Variants in ITFG1 observed in about 807,000 individuals in gnomAD.
ITFG1 encodes the protein integrin alpha FG-GAP repeat containing 1.
ITFG1 carries 34 observed loss-of-function variants against 81.8 expected under a neutral mutation model. The observed-to-expected ratio is 0.42, with a 90% confidence interval of 0.32 to 0.55. The LOEUF (loss-of-function observed/expected upper bound fraction) is 0.55, where lower values mean the gene tolerates loss of function less well. Ranked by LOEUF, ITFG1 falls within the 20% of genes least tolerant of loss-of-function variation. The probability of loss-of-function intolerance (pLI) is 0.17; values close to 1 mark genes in which losing one functional copy is unlikely to be tolerated. For synonymous variants in ITFG1, 285 were observed against 270.6 expected (o/e 1.05, Z -0.52); for missense variants, 672 against 755.4 (o/e 0.89, Z 1.29).
intron 12 of ITFG1, among the ~76,000 whole-genome samples, chr16:47,244,997 C>T (rs990241419): frequency 2.6e-5 from 4 of 152,070 alleles, no homozygotes; most frequent in East Asian, 1.9e-4. Context: ...ACTCAGCCTG[C>T]GGTATTTTGT....
chr16:47,329,009 A>T (rs1223361577), intron 8 of ITFG1, among the ~76,000 whole-genome samples: 1 of 152,138 alleles, frequency 6.6e-6, no homozygotes, highest in Non-Finnish European at 1.5e-5. Context: ...AAAAGAACAG[A>T]AACGTATTTA....
At chr16:47,451,357 T>C in intron 5 of ITFG1, 39 bp downstream of exon 5, 1 of 1,077,458 alleles carries the variant, frequency 9.3e-7, no homozygotes, top group South Asian at 1.4e-5. Context: ...AGAAGCAATA[T>C]ATACGATTAA....
intron 6 of ITFG1, among the ~76,000 whole-genome samples, chr16:47,383,859 G>A (rs1968426165): frequency 6.6e-6 from 1 of 152,320 alleles, no homozygotes; most frequent in African/African-American, 2.4e-5. Context: ...AGCCAAGATC[G>A]TGCCATTGCA....
intron 13 of ITFG1, among the ~76,000 whole-genome samples, chr16:47,234,204 A>T (rs975835144): frequency 3.3e-5 from 5 of 152,250 alleles, no homozygotes; most frequent in Non-Finnish European, 7.3e-5. Context: ...GAATGATCAG[A>T]CCAGGAATTT....
chr16:47,163,646 CTTTT>C (rs1964842949), intron 14 of ITFG1, among the ~76,000 whole-genome samples: 2 of 152,078 alleles, frequency 1.3e-5, no homozygotes, highest in African/African-American at 2.4e-5. Context: ...GTTTTCCTTT[CTTTT>C]GATTATGTAG....
In ITFG1 at chr16:47,230,893, C is replaced by T. The variant is rs112560306; in HGVS notation, c.1374+7072G>A. ...CCTCCCGAGTAGCTGGGACTACAGG[C>T]GCCCGACACCATGTCCGGCTAATTT... On this transcript the variant is annotated intron_variant, in intron 13 of 17. Coordinates refer to ENST00000320640, the MANE Select transcript of ITFG1 (RefSeq NM_030790.5). Among the ~76,000 whole-genome samples, 1,080 of 152,286 alleles carry T rather than the reference C, an allele frequency of 7.1e-3. 12 individuals are homozygous for T. The highest frequency in any genetic ancestry group is 0.034 in the Middle Eastern group (10 of 294).
At chr16:47,244,640 TGTGTGTGTGTA>T (rs1965977454) in intron 12 of ITFG1, among the ~76,000 whole-genome samples, 1 of 135,134 alleles carries the variant, frequency 7.4e-6, no homozygotes, top group African/African-American at 3.1e-5. Flanking sequence ...TGTGTGTGTG[TGTGTGTGTGTA>T]TTTACCCCTC....
chr16:47,331,803 G>A (rs532775153), intron 8 of ITFG1, among the ~76,000 whole-genome samples: 1 of 152,246 alleles, frequency 6.6e-6, no homozygotes, highest in South Asian at 2.1e-4. Context: ...TTTAGGTGTT[G>A]TTAGTAATTT....
At chr16:47,197,263 A>G (rs1210937723) in intron 14 of ITFG1, among the ~76,000 whole-genome samples, 1 of 152,180 alleles carries the variant, frequency 6.6e-6, no homozygotes, top group Non-Finnish European at 1.5e-5. Context: ...GTTACCTTCT[A>G]GTTTCGGAAA....
intron 7 of ITFG1, among the ~76,000 whole-genome samples, chr16:47,374,240 A>G (rs1968295531): frequency 6.6e-6 from 1 of 152,220 alleles, no homozygotes; most frequent in Admixed American, 6.5e-5. Context: ...GTTTAAAAAT[A>G]CTTTTTTCTT....
rs116582464 is a variant in ITFG1 at position 47,401,967 on chromosome 16, G to A, written c.656-26027C>T. ...TATTCTTTCACAGAGCCCCTTATGT[G>A]TTTTTTCACAACTCAGAATACTCTT... On this transcript the variant is annotated intron_variant, in intron 6 of 17. Coordinates refer to ENST00000320640, the MANE Select transcript of ITFG1 (RefSeq NM_030790.5). Among the ~76,000 whole-genome samples, 1,177 of 151,968 alleles carry A rather than the reference G, an allele frequency of 7.7e-3. 13 individuals are homozygous for A. Among genetic ancestry groups the A allele is most frequent in the African/African-American group, 0.027 (1,136 of 41,440 alleles).
At position 47,291,734 on chromosome 16, in the gene ITFG1, GCTGT is replaced by G. The variant is rs146313942; in HGVS notation, c.1070+19502_1070+19505del. On this transcript the variant is annotated intron_variant, in intron 10 of 17. Coordinates refer to ENST00000320640, the MANE Select transcript of ITFG1 (RefSeq NM_030790.5). ...AAGTCTGATGAAGTCTGCTACTGCAGCTGTCTATTTTATTTTTTATTTCATTCAT... is the reference window on the plus strand; with the variant it reads ...AAGTCTGATGAAGTCTGCTACTGCAGCTATTTTATTTTTTATTTCATTCAT... Among the ~76,000 whole-genome samples, 500 of 152,260 alleles carry G rather than the reference GCTGT, an allele frequency of 3.3e-3. 2 individuals are homozygous for G. Among genetic ancestry groups the G allele is most frequent in the African/African-American group, 0.011 (471 of 41,562 alleles).
intron 13 of ITFG1, among the ~76,000 whole-genome samples, chr16:47,235,606 A>G (rs1282403532): frequency 6.6e-6 from 1 of 152,184 alleles, no homozygotes; most frequent in African/African-American, 2.4e-5. Flanking sequence ...TCCTCTTTCT[A>G]TACACCTGAT....
chr16:47,444,024 A>G lies in ITFG1; in HGVS notation c.560+7372T>C, dbSNP rs1394485799. 3.3e-5 allele frequency among the ~76,000 whole-genome samples: 5 copies of G among 152,218 alleles called. No individual in the cohort carries two copies. The East Asian group carries it at 9.6e-4, about 29-fold the overall frequency. ...GTAATTCACAAAGCCAGTCCTTCCT[A>G]TAAAAGCTGTTTCCAAATGAAAGTC... On this transcript the variant is annotated intron_variant, in intron 5 of 17. Transcript: ENST00000320640.
At chr16:47,311,104 C>A in intron 10 of ITFG1, 136 bp downstream of exon 10, 5 of 471,430 alleles carry the variant, frequency 1.1e-5, no homozygotes, top group Non-Finnish European at 1.4e-5. Flanking sequence ...AATTTAAAAA[C>A]AGGAACTGAG....
At chr16:47,261,558 A>G (rs1966209548) in intron 10 of ITFG1, among the ~76,000 whole-genome samples, 1 of 152,260 alleles carries the variant, frequency 6.6e-6, no homozygotes. Context: ...TTTATGTAAT[A>G]GCTCCTAGGC....
intron 14 of ITFG1, among the ~76,000 whole-genome samples, chr16:47,190,231 G>A (rs573619174): frequency 1.3e-5 from 2 of 151,972 alleles, no homozygotes; most frequent in South Asian, 2.1e-4. Flanking sequence ...AAAAGACAAG[G>A]GAGCAAAACT....
intron 6 of ITFG1, among the ~76,000 whole-genome samples, chr16:47,424,850 G>C (rs1968998784): frequency 6.6e-6 from 1 of 152,084 alleles, no homozygotes; most frequent in Non-Finnish European, 1.5e-5. Flanking sequence ...GTGTCTGTCG[G>C]CTCCTGCTGG....
Position 47,430,057 on chromosome 16 carries a change from CTTTTTTT to C in ITFG1, c.561-1166_561-1160del, listed in dbSNP as rs920966590. 1.6e-3 allele frequency among the ~76,000 whole-genome samples: 190 copies of C among 122,006 alleles called. 1 individual carries two copies. The highest frequency in any genetic ancestry group is 8.3e-3 in the Middle Eastern group (2 of 242). 80.0% of individuals were successfully genotyped at this position (122,006 alleles called of 152,430 possible). The stretch of plus-strand genomic sequence containing the variant: ...GGCTGTGGGTTGTCTTTTTACTTTT[CTTTTTTT>C]TTTTTTTTTTTGAATCAGAGTCTCG... On this transcript the variant is annotated intron_variant, in intron 5 of 17. Coordinates refer to ENST00000320640, the MANE Select transcript of ITFG1 (RefSeq NM_030790.5).
Sources: allele counts gnomAD v4.1 joint callset (sites outside exome capture counted in the v4.1 genomes callset), GRCh38; gene constraint gnomAD v4.1.1; transcripts MANE v1.5; gene names NCBI Gene and HGNC (gene_info 2026-07-23, HGNC 2026-07-21).